Variants in RAP1GAP2 observed in about 807,000 individuals in gnomAD.
RAP1GAP2 encodes the protein RAP1 GTPase activating protein 2.
RAP1GAP2 carries 27 observed loss-of-function variants against 95.0 expected under a neutral mutation model. That is an observed-to-expected ratio of 0.28 (90% CI 0.21 to 0.39). RAP1GAP2 has a LOEUF of 0.39. Among genes scored for constraint, RAP1GAP2 ranks in the 10% least tolerant of loss-of-function variants. The pLI is 1.00. For missense variants in RAP1GAP2, 771 were observed against 970.0 expected (o/e 0.79, Z 2.72); for synonymous variants, 373 against 380.9 (o/e 0.98, Z 0.24).
intron 2 of RAP1GAP2, among the ~76,000 whole-genome samples, chr17:2,901,689 A>AG (rs1374352812): frequency 1.3e-5 from 2 of 151,942 alleles, no homozygotes; most frequent in Non-Finnish European, 2.9e-5. Flanking sequence ...CCTGAGTGGG[A>AG]GAAAAAGGGA....
intron 8 of RAP1GAP2, 29 bp from the exon 9 acceptor site, chr17:2,980,258 G>C (rs767511816): frequency 1.9e-6 from 3 of 1,610,914 alleles, no homozygotes; most frequent in South Asian, 2.2e-5. Context: ...GTTTCTTAGG[G>C]ATGTCCTTTT....
chr17:2,937,407 C>T (rs1298362846), intron 3 of RAP1GAP2, among the ~76,000 whole-genome samples: 1 of 152,176 alleles, frequency 6.6e-6, no homozygotes, highest in Non-Finnish European at 1.5e-5. Flanking sequence ...TATGGCATGT[C>T]CTTCCAGCTT....
At chr17:2,812,474 C>T (rs2069810595) in intron 2 of RAP1GAP2, among the ~76,000 whole-genome samples, 1 of 152,140 alleles carries the variant, frequency 6.6e-6, no homozygotes, top group South Asian at 2.1e-4. Flanking sequence ...TCCAGCTCTG[C>T]CTTCCCTATT....
intron 2 of RAP1GAP2, among the ~76,000 whole-genome samples, chr17:2,872,558 C>T (rs1334695013): frequency 6.6e-6 from 1 of 152,034 alleles, no homozygotes; most frequent in Non-Finnish European, 1.5e-5. Flanking sequence ...CAGGGACAGC[C>T]CTTCCCGGCA....
At chr17:3,021,377 A>C (rs1171672006) in intron 19 of RAP1GAP2, among the ~76,000 whole-genome samples, 13 of 111,698 alleles carry the variant, frequency 1.2e-4, no homozygotes, top group Admixed American at 2.1e-4. Context: ...TTCTATCTCC[A>C]CGAGATTCAC....
At chr17:2,881,353 T>G (rs1413478269) in intron 2 of RAP1GAP2, among the ~76,000 whole-genome samples, 1 of 152,142 alleles carries the variant, frequency 6.6e-6, no homozygotes, top group East Asian at 1.9e-4. Flanking sequence ...GCATTTTGGA[T>G]TTCAGCTTTT....
chr17:3,016,084 CG>C (rs1218954909), intron 17 of RAP1GAP2, among the ~76,000 whole-genome samples: 1 of 152,160 alleles, frequency 6.6e-6, no homozygotes, highest in Non-Finnish European at 1.5e-5. Flanking sequence ...CTGGGTGACT[CG>C]TGGCTCAGTC....
chr17:2,943,297 A>G (rs924867954), intron 3 of RAP1GAP2, among the ~76,000 whole-genome samples: 4 of 152,234 alleles, frequency 2.6e-5, no homozygotes, highest in African/African-American at 7.2e-5. Flanking sequence ...TTTGCAAACC[A>G]TATATCAGAT....
At chr17:2,846,658 G>T (rs996023250) in intron 2 of RAP1GAP2, among the ~76,000 whole-genome samples, 1 of 151,858 alleles carries the variant, frequency 6.6e-6, no homozygotes, top group Non-Finnish European at 1.5e-5. Flanking sequence ...CTGAATCCTT[G>T]CAGTAGCTAA....
chr17:2,995,595 G>A (rs1285177691), intron 13 of RAP1GAP2, 129 bp downstream of exon 13: 3 of 1,292,300 alleles, frequency 2.3e-6, no homozygotes, highest in East Asian at 2.5e-5. Context: ...GTTCAGCTGC[G>A]CAGCAGCGTC....
rs996393331 is a variant in RAP1GAP2 at position 3,035,048 on chromosome 17, ATCTT to A, written c.*1692_*1695del. 3 of 147,096 alleles carry A rather than the reference ATCTT, an allele frequency of 2.0e-5. No homozygotes were observed. Among genetic ancestry groups the A allele is most frequent in the African/African-American group, 7.7e-5 (3 of 38,966 alleles). The allele number at this position is 147,096 out of a possible 1,614,324, so 9.1% of individuals were successfully genotyped here. On this transcript the variant is annotated 3_prime_UTR_variant, in exon 25 of 25. Coordinates refer to ENST00000254695, the MANE Select transcript of RAP1GAP2 (RefSeq NM_015085.5). The surrounding 1 kb of genome is among the most constrained non-coding windows in gnomAD (Gnocchi z 4.3). Reference sequence around the variant, plus strand: ...CTTTTGCCATTCAAGCAACATTGTGATCTTTCTTCCCCGCCACGTGTGTGGGAAT... The same window carrying A: ...CTTTTGCCATTCAAGCAACATTGTGATCTTCCCCGCCACGTGTGTGGGAAT...
At chr17:2,833,464 A>G (rs975358793) in intron 2 of RAP1GAP2, among the ~76,000 whole-genome samples, 4 of 151,894 alleles carry the variant, frequency 2.6e-5, no homozygotes, top group Non-Finnish European at 5.9e-5. Flanking sequence ...TACTCTTATG[A>G]AAAGTGCCGA....
At chr17:2,928,622 G>A (rs1468097927) in intron 3 of RAP1GAP2, among the ~76,000 whole-genome samples, 2 of 152,198 alleles carry the variant, frequency 1.3e-5, no homozygotes, top group African/African-American at 2.4e-5. Context: ...GGCAGTCAGC[G>A]AGGCTCCGGC....
intron 2 of RAP1GAP2, among the ~76,000 whole-genome samples, chr17:2,850,552 TC>T (rs1567708272): frequency 6.8e-6 from 1 of 146,370 alleles, no homozygotes; most frequent in African/African-American, 2.5e-5. Flanking sequence ...ATCGAGACCA[TC>T]CTGGCTAACA....
chr17:2,918,280 A>G (rs1477579724), intron 3 of RAP1GAP2, among the ~76,000 whole-genome samples: 1 of 151,968 alleles, frequency 6.6e-6, no homozygotes, highest in East Asian at 1.9e-4. Flanking sequence ...TAAAAATACA[A>G]AAATTAGTTG....
chr17:3,031,741 G>A (rs56080631), intron 23 of RAP1GAP2, among the ~76,000 whole-genome samples: 87 of 124,896 alleles, frequency 7.0e-4, no homozygotes, highest in South Asian at 8.5e-4. Flanking sequence ...CCTGGGTCCC[G>A]AATCCCTTCC....
chr17:2,865,762 G>C (rs546900065), intron 2 of RAP1GAP2, among the ~76,000 whole-genome samples: 1 of 152,212 alleles, frequency 6.6e-6, no homozygotes, highest in Admixed American at 6.5e-5. Flanking sequence ...CGTGGTGCAA[G>C]TGATGGGAAC....
At chr17:2,969,328 AT>A (rs1432098720) in intron 8 of RAP1GAP2, among the ~76,000 whole-genome samples, 1 of 151,792 alleles carries the variant, frequency 6.6e-6, no homozygotes, top group Non-Finnish European at 1.5e-5. Context: ...CATCAGAATC[AT>A]TTTGGATCTT....
chr17:2,949,759 G>C (rs1448987767), intron 3 of RAP1GAP2, among the ~76,000 whole-genome samples: 1 of 152,110 alleles, frequency 6.6e-6, no homozygotes, highest in Non-Finnish European at 1.5e-5. Context: ...TGTCCGAAAG[G>C]CTGAGCTGCT....
Sources: allele counts gnomAD v4.1 joint callset (sites outside exome capture counted in the v4.1 genomes callset), GRCh38; gene constraint gnomAD v4.1.1; non-coding constraint Gnocchi (gnomAD v3.1); transcripts MANE v1.5; gene names NCBI Gene and HGNC (gene_info 2026-07-23, HGNC 2026-07-21).